The following MDGA2 variants were observed in gnomAD, a reference collection of about 807,000 sequenced individuals.
MDGA2 encodes MAM domain containing glycosylphosphatidylinositol anchor 2, also known as MAM domain-containing glycosylphosphatidylinositol anchor protein 2.
In MDGA2, 40 loss-of-function variants were observed where a neutral mutation model predicts 117.8. The ratio of observed to expected loss-of-function variants is 0.34; its 90% CI spans 0.26 to 0.44. MDGA2 has a LOEUF of 0.44. MDGA2 is among the 20% of genes least tolerant of loss of function. The pLI is 1.00. For missense variants in MDGA2, 1,123 were observed against 1,250.6 expected (o/e 0.90, Z 1.54); for synonymous variants, 452 against 439.0 (o/e 1.03, Z -0.37).
chr14:47,057,417 T>G (rs1369600163), intron 7 of MDGA2, among the ~76,000 whole-genome samples: 1 of 151,772 alleles, frequency 6.6e-6, no homozygotes, highest in Admixed American at 6.6e-5. Context: ...TAACACAGAG[T>G]GTATATGTAG....
intron 2 of MDGA2, among the ~76,000 whole-genome samples, chr14:47,257,571 A>G (rs999748687): frequency 6.6e-6 from 1 of 152,156 alleles, no homozygotes; most frequent in Admixed American, 6.6e-5. Context: ...TTTGTTCATA[A>G]GTGGTTTGCC....
chr14:46,912,827 T>G (rs1883756654), intron 10 of MDGA2, among the ~76,000 whole-genome samples: 1 of 152,170 alleles, frequency 6.6e-6, no homozygotes, highest in Admixed American at 6.5e-5. Context: ...AATTTACCAT[T>G]TATATATCCC....
rs1317842097 is a variant in MDGA2 at position 47,340,808 on chromosome 14, TAATTGACATTTTAAATGA to T, written c.281-39276_281-39259del. ...CCAGGCAATCACTACACGTTGATTA[TAATTGACATTTTAAATGA>T]AATTTGTTTATTTCAGAGATAGAAT... On this transcript the variant is annotated intron_variant, in intron 1 of 16. Coordinates refer to ENST00000399232, the MANE Select transcript of MDGA2 (RefSeq NM_001113498.3). 5.9e-5 allele frequency among the ~76,000 whole-genome samples: 9 copies of T among 152,332 alleles called. No homozygotes were observed. In the East Asian group the frequency reaches 1.5e-3, roughly 26 times the overall value.
chr14:47,672,193 C>A (rs1269511387), intron 1 of MDGA2, among the ~76,000 whole-genome samples: 2 of 152,098 alleles, frequency 1.3e-5, no homozygotes, highest in Admixed American at 6.5e-5. Flanking sequence ...AATTTTTAAC[C>A]CACCTCATAG....
chr14:46,932,253 A>T (rs1307960370), intron 9 of MDGA2, among the ~76,000 whole-genome samples: 1 of 151,050 alleles, frequency 6.6e-6, no homozygotes, highest in Non-Finnish European at 1.5e-5. Context: ...TTCCTAAATT[A>T]AAAAAAAAGA....
At chr14:47,610,726 G>A (rs1031505122) in intron 1 of MDGA2, among the ~76,000 whole-genome samples, 4 of 151,884 alleles carry the variant, frequency 2.6e-5, no homozygotes, top group African/African-American at 9.7e-5. Context: ...CATGGATGGG[G>A]AGAATCAATA....
rs879472457 is a variant in MDGA2, at chr14:47,384,019, G to GATAGATAGATA, written c.281-82470_281-82469insTATCTATCTAT. On this transcript the variant is annotated intron_variant, in intron 1 of 16. Transcript: ENST00000399232. The stretch of plus-strand genomic sequence containing the variant: ...TAGATAGATAGATAGATAGATAATA[G>GATAGATAGATA]ATAGATTAGATAAAGAGATAAATAG... 8.7e-4 allele frequency among the ~76,000 whole-genome samples: 93 copies of GATAGATAGATA among 107,098 alleles called. 1 individual carries two copies. The highest frequency in any genetic ancestry group is 3.0e-3 in the African/African-American group (87 of 28,922). The allele number at this position is 107,098 out of a possible 152,430, so 70.3% of individuals were successfully genotyped here. A position where few individuals can be genotyped will look rare whatever the true frequency, so the allele number is the denominator to read the frequency against.
intron 2 of MDGA2, among the ~76,000 whole-genome samples, chr14:47,299,950 G>A (rs2139807705): frequency 6.6e-6 from 1 of 151,820 alleles, no homozygotes; most frequent in Admixed American, 6.6e-5. Context: ...GATTACTTTT[G>A]TTCTTTTTCA....
At chr14:47,306,373 A>ATTCATTGGG (rs969496469) in intron 1 of MDGA2, among the ~76,000 whole-genome samples, 8 of 152,176 alleles carry the variant, frequency 5.3e-5, no homozygotes, top group Admixed American at 6.5e-5. Flanking sequence ...CCTAAGCCCA[A>ATTCATTGGG]TTCATTGGGG....
chr14:46,996,278 C>A (rs948689196), intron 8 of MDGA2, among the ~76,000 whole-genome samples: 1 of 152,108 alleles, frequency 6.6e-6, no homozygotes, highest in African/African-American at 2.4e-5. Context: ...TCCAAAATGC[C>A]AAGGAAAACC....
At chr14:47,129,337 C>G (rs987107362) in intron 5 of MDGA2, among the ~76,000 whole-genome samples, 1 of 150,818 alleles carries the variant, frequency 6.6e-6, no homozygotes, top group South Asian at 2.1e-4. Context: ...TGAGAATATG[C>G]GGTGTTTGGT....
At chr14:47,674,312 C>T (rs1436254544) in intron 1 of MDGA2, among the ~76,000 whole-genome samples, 1 of 152,206 alleles carries the variant, frequency 6.6e-6, no homozygotes, top group Non-Finnish European at 1.5e-5. Flanking sequence ...CAACTCCGAG[C>T]CAGAGCCCAG....
At chr14:47,152,487 C>T (rs1299084671) in intron 3 of MDGA2, among the ~76,000 whole-genome samples, 3 of 151,978 alleles carry the variant, frequency 2.0e-5, no homozygotes, top group Admixed American at 2.0e-4. Context: ...CTTTTAATGT[C>T]CTGGGAGTCA....
At chr14:47,533,872 T>C (rs1895152298) in intron 1 of MDGA2, among the ~76,000 whole-genome samples, 1 of 152,212 alleles carries the variant, frequency 6.6e-6, no homozygotes, top group Admixed American at 6.5e-5. Flanking sequence ...AATTATTATA[T>C]TGTTATTTGA....
intron 2 of MDGA2, among the ~76,000 whole-genome samples, chr14:47,290,582 T>G (rs931768821): frequency 1.1e-4 from 16 of 152,144 alleles, no homozygotes; most frequent in Non-Finnish European, 1.5e-4. Context: ...TAATGACTTA[T>G]GGCTTTTCTT....
intron 1 of MDGA2, among the ~76,000 whole-genome samples, chr14:47,637,695 C>T (rs191196377): frequency 2.6e-5 from 4 of 152,144 alleles, no homozygotes; most frequent in Admixed American, 6.5e-5. Flanking sequence ...AAAACTCATG[C>T]GAATTCACCA....
intron 5 of MDGA2, among the ~76,000 whole-genome samples, chr14:47,114,097 T>A (rs1881192800): frequency 6.6e-6 from 1 of 152,116 alleles, no homozygotes; most frequent in South Asian, 2.1e-4. Context: ...ATCACAAGCA[T>A]TCCTATACAG....
At chr14:47,484,053 T>C (rs1894008010) in intron 1 of MDGA2, among the ~76,000 whole-genome samples, 1 of 152,206 alleles carries the variant, frequency 6.6e-6, no homozygotes, top group Non-Finnish European at 1.5e-5. Flanking sequence ...GTAAAACATA[T>C]TCAAGGGTAA....
At chr14:47,424,907 A>T (rs1892653894) in intron 1 of MDGA2, among the ~76,000 whole-genome samples, 1 of 152,162 alleles carries the variant, frequency 6.6e-6, no homozygotes, top group African/African-American at 2.4e-5. Context: ...GGATAGAGAT[A>T]TGGAAAAGGC....
Sources: gnomAD v4.1 joint callset for allele counts (sites outside exome capture counted in the v4.1 genomes callset) on GRCh38, gnomAD v4.1.1 for gene constraint, MANE v1.5 for transcripts, NCBI Gene and HGNC (gene_info 2026-07-23, HGNC 2026-07-21) for gene names.